Variants in PPARD observed in about 807,000 individuals in gnomAD.
The protein encoded by PPARD is peroxisome proliferator activated receptor delta.
Under a neutral mutation model 39.5 loss-of-function variants are expected in PPARD, and 6 were observed. That is an observed-to-expected ratio of 0.15 (90% CI 0.08 to 0.30). PPARD has a LOEUF of 0.30. Ranked by LOEUF, PPARD falls within the 10% of genes least tolerant of loss-of-function variation. PPARD has a pLI of 1.00. For synonymous variants in PPARD, 210 were observed against 231.3 expected (o/e 0.91, Z 0.83); for missense variants, 397 against 596.8 (o/e 0.67, Z 3.49).
Position 35,425,474 on chromosome 6 carries a change from A to G in PPARD, c.1079-358A>G. 2.8e-6 allele frequency: 3 copies of G among 1,059,314 alleles called. No homozygotes were observed. Among genetic ancestry groups the G allele is most frequent in the Non-Finnish European group, 3.6e-6 (3 of 839,292 alleles). 65.6% of individuals were successfully genotyped at this position (1,059,314 alleles called of 1,614,324 possible). A position where few individuals can be genotyped will look rare whatever the true frequency, so the allele number is the denominator to read the frequency against. ...GATGACTCACTTGATCCTCACAACA[A>G]CCCTGTGCAGGAAGAATGTTTTGTG... On this transcript the variant is annotated intron_variant, in intron 7 of 7. Coordinates refer to ENST00000360694, the MANE Select transcript of PPARD (RefSeq NM_006238.5). This position sits in a 1 kb window ranked among gnomAD's most constrained non-coding sequence, Gnocchi z 4.5.
rs1011208058 is a variant in PPARD at position 35,426,200 on chromosome 6, C to T, written c.*121C>T. 6.6e-6 allele frequency: 9 copies of T among 1,361,350 alleles called. No individual in the cohort carries two copies. Among genetic ancestry groups the T allele is most frequent in the South Asian group, 1.5e-5 (1 of 68,752 alleles). 84.3% of individuals were successfully genotyped at this position (1,361,350 alleles called of 1,614,324 possible). A position where few individuals can be genotyped will look rare whatever the true frequency, so the allele number is the denominator to read the frequency against. On this transcript the variant is annotated 3_prime_UTR_variant, in exon 8 of 8. Transcript: ENST00000360694. The stretch of plus-strand genomic sequence containing the variant: ...GCCTGGAGCAGCAGAGTCCCACGAT[C>T]GCCCTCAGACACATGACACCCACGG...
chr6:35,397,116 G>C (rs139075619), intron 2 of PPARD, among the ~76,000 whole-genome samples: 17 of 151,942 alleles, frequency 1.1e-4, no homozygotes, highest in Non-Finnish European at 2.2e-4. Context: ...GTACTGACTG[G>C]TCTTATCTTT....
At chr6:35,347,288 C>A in intron 2 of PPARD, 138 bp downstream of exon 2, 3 of 1,045,370 alleles carry the variant, frequency 2.9e-6, no homozygotes, top group Non-Finnish European at 4.2e-6. Context: ...GCATCTGGTA[C>A]CAGTTGCTTA....
In PPARD at chr6:35,412,156, G is replaced by A. The variant is rs1200832648; in HGVS notation, c.130+939G>A. Reference sequence around the variant, plus strand: ...ATGTTGGCCAGGCTGGTCTCGAACCGCTGGGCTCAAGCAATCCACCCACCT... The same window carrying A: ...ATGTTGGCCAGGCTGGTCTCGAACCACTGGGCTCAAGCAATCCACCCACCT... On this transcript the variant is annotated intron_variant, in intron 3 of 7. Transcript: ENST00000360694. This position sits in a 1 kb window ranked among gnomAD's most constrained non-coding sequence, Gnocchi z 4.1. Among the ~76,000 whole-genome samples, 5 of 151,850 alleles carry A rather than the reference G, an allele frequency of 3.3e-5. No homozygotes were observed. The highest frequency in any genetic ancestry group is 9.7e-5 in the African/African-American group (4 of 41,332).
rs941404833 is a variant in PPARD at position 35,354,850 on chromosome 6, C to T, written c.-102+7700C>T. Among the ~76,000 whole-genome samples the T allele has an allele frequency of 3.3e-5, 5 of 152,154 alleles. No homozygotes were observed. The East Asian group carries it at 9.6e-4, about 29-fold the overall frequency. On this transcript the variant is annotated intron_variant, in intron 2 of 7. Transcript: ENST00000360694. The stretch of plus-strand genomic sequence containing the variant: ...CTTATAAGTTGAGGAACATTTGTAG[C>T]CATTTCATCGTCTGTGAAGAGGCCT...
At chr6:35,368,352 G>A (rs756217275) in intron 2 of PPARD, among the ~76,000 whole-genome samples, 6 of 152,218 alleles carry the variant, frequency 3.9e-5, no homozygotes, top group Non-Finnish European at 8.8e-5. Flanking sequence ...TGGGATTCCT[G>A]CTGCATTGTA....
chr6:35,377,190 GA>G (rs964593724), intron 2 of PPARD, among the ~76,000 whole-genome samples: 127 of 152,260 alleles, frequency 8.3e-4, no homozygotes, highest in African/African-American at 3.0e-3. Context: ...TTGTGGGTGC[GA>G]AAGTCCACAG....
chr6:35,396,715 A>G (rs1447635152), intron 2 of PPARD, among the ~76,000 whole-genome samples: 1 of 151,882 alleles, frequency 6.6e-6, no homozygotes, highest in African/African-American at 2.4e-5. Context: ...CTGTAGTCCC[A>G]GCTACTCAGG....
In PPARD at chr6:35,352,334, C is replaced by A. The variant is rs577559826; in HGVS notation, c.-102+5184C>A. 2.6e-5 allele frequency among the ~76,000 whole-genome samples: 4 copies of A among 152,208 alleles called. No individual in the cohort carries two copies. In the South Asian group the frequency reaches 6.2e-4, roughly 24 times the overall value. ...AAGTAGCTGGGACCACAGGCGCGCACCCCAATGCCCGGCTAATTTTTGTAT... is the reference window on the plus strand; with the variant it reads ...AAGTAGCTGGGACCACAGGCGCGCAACCCAATGCCCGGCTAATTTTTGTAT... On this transcript the variant is annotated intron_variant, in intron 2 of 7. Transcript: ENST00000360694.
intron 4 of PPARD, among the ~76,000 whole-genome samples, chr6:35,420,819 C>CTTT (rs35852986): frequency 0.075 from 6,388 of 85,516 alleles, 1,494 homozygotes; most frequent in Non-Finnish European, 0.097. Context: ...AACAAAGAAG[C>CTTT]TTTTTTTTTT....
intron 4 of PPARD, 65 bp from the exon 5 acceptor site, chr6:35,421,755 G>T: frequency 2.0e-6 from 3 of 1,514,156 alleles, no homozygotes; most frequent in South Asian, 1.3e-5. Flanking sequence ...ACATAATCGG[G>T]CCCTTTGGCA....
intron 2 of PPARD, among the ~76,000 whole-genome samples, chr6:35,397,996 C>T (rs943421691): frequency 1.3e-5 from 2 of 152,172 alleles, no homozygotes; most frequent in African/African-American, 4.8e-5. Context: ...GCAGGATATG[C>T]CTGCTGTGTC....
At chr6:35,421,369 C>G (rs1766157499) in intron 4 of PPARD, among the ~76,000 whole-genome samples, 1 of 150,900 alleles carries the variant, frequency 6.6e-6, no homozygotes, top group Non-Finnish European at 1.5e-5. Context: ...TGGAGTTTCA[C>G]TCTTGTTGTC....
chr6:35,417,286 G>A (rs1765833427), intron 3 of PPARD, among the ~76,000 whole-genome samples: 1 of 151,824 alleles, frequency 6.6e-6, no homozygotes, highest in African/African-American at 2.4e-5. Flanking sequence ...TCACAGGTGT[G>A]AGCCACTGCA....
At chr6:35,348,350 T>C in intron 2 of PPARD, 2 of 985,368 alleles carry the variant, frequency 2.0e-6, no homozygotes, top group Non-Finnish European at 2.4e-6. Context: ...AATTGTTTCT[T>C]CCATCTCTGC....
chr6:35,378,053 G>A (rs1010084295), intron 2 of PPARD, among the ~76,000 whole-genome samples: 14 of 151,708 alleles, frequency 9.2e-5, no homozygotes, highest in African/African-American at 3.2e-4. Flanking sequence ...TAGTAGAGAC[G>A]GGGTTTCACC....
At chr6:35,370,151 T>G (rs1345290010) in intron 2 of PPARD, among the ~76,000 whole-genome samples, 1 of 152,072 alleles carries the variant, frequency 6.6e-6, no homozygotes, top group Admixed American at 6.6e-5. Context: ...TGTCAACCAG[T>G]TAGTTTGGGA....
rs1210540165 is a variant in PPARD, at chr6:35,426,435, T to C, written c.*356T>C. The C allele has an allele frequency of 3.1e-6, 1 of 318,588 alleles. No homozygotes were observed. Among genetic ancestry groups the C allele is most frequent in the East Asian group, 7.8e-5 (1 of 12,808 alleles). 19.7% of individuals were successfully genotyped at this position (318,588 alleles called of 1,614,324 possible). A position where few individuals can be genotyped will look rare whatever the true frequency, so the allele number is the denominator to read the frequency against. ...CCTCCTTTCTTATTCTGTGAGATGTTTTGTATTATTTCACCAGCAGCATAG... is the reference window on the plus strand; with the variant it reads ...CCTCCTTTCTTATTCTGTGAGATGTCTTGTATTATTTCACCAGCAGCATAG... On this transcript the variant is annotated 3_prime_UTR_variant, in exon 8 of 8. Transcript: ENST00000360694.
At chr6:35,384,174 G>T (rs1215971400) in intron 2 of PPARD, among the ~76,000 whole-genome samples, 10 of 138,018 alleles carry the variant, frequency 7.2e-5, no homozygotes, top group Non-Finnish European at 1.1e-4. Flanking sequence ...GAAGTGAGGA[G>T]CCCCTCTGCC....
Sources: gnomAD v4.1 joint callset for allele counts (sites outside exome capture counted in the v4.1 genomes callset) on GRCh38, gnomAD v4.1.1 for gene constraint, Gnocchi (gnomAD v3.1) non-coding constraint, MANE v1.5 for transcripts, NCBI Gene and HGNC (gene_info 2026-07-23, HGNC 2026-07-21) for gene names.